SEMA4F: variants seen among roughly 807,000 people sequenced by gnomAD.
SEMA4F encodes the protein ssemaphorin 4F.
A neutral mutation model predicts 78.4 loss-of-function variants in SEMA4F; 51 were observed. That is an observed-to-expected ratio of 0.65 (90% CI 0.52 to 0.82). SEMA4F has a LOEUF of 0.82. SEMA4F is among the 40% of genes least tolerant of loss of function. The probability of loss-of-function intolerance (pLI) is 0.00; values close to 1 mark genes in which losing one functional copy is unlikely to be tolerated. For synonymous variants in SEMA4F, 418 were observed against 408.7 expected (o/e 1.02, Z -0.27); for missense variants, 938 against 1,014.4 (o/e 0.92, Z 1.02).
rs1452206354 is a variant in SEMA4F, at chr2:74,659,808, T to C, written c.456+1857T>C. 2.0e-5 allele frequency among the ~76,000 whole-genome samples: 3 copies of C among 152,334 alleles called. No homozygotes were observed. In the East Asian group the frequency reaches 5.8e-4, roughly 29 times the overall value. Reference sequence around the variant, plus strand: ...TGTCCTAGACTGATGACTTTGAGACTGTATATAAACAATTATCTGAGAGCT... The same window carrying C: ...TGTCCTAGACTGATGACTTTGAGACCGTATATAAACAATTATCTGAGAGCT... On this transcript the variant is annotated intron_variant, in intron 4 of 13. Coordinates refer to ENST00000357877, the MANE Select transcript of SEMA4F (RefSeq NM_004263.5).
the SEMA4F span, among the ~76,000 whole-genome samples, chr2:74,690,331 C>T: frequency 6.6e-6 from 1 of 152,144 alleles, no homozygotes; most frequent in Non-Finnish European, 1.5e-5. Flanking sequence ...ATGGTCACCC[C>T]TGATGAGGGG....
At chr2:74,699,264 T>A in the SEMA4F span, among the ~76,000 whole-genome samples, 24 of 152,224 alleles carry the variant, frequency 1.6e-4, no homozygotes, top group South Asian at 6.2e-4. Flanking sequence ...TTTCCAATCA[T>A]TAGTCCTCAT....
At position 74,675,252 on chromosome 2, in the gene SEMA4F, A is replaced by G. The variant is rs745506934; in HGVS notation, c.1240A>G (p.Met414Val). 14 of 1,614,094 alleles carry G rather than the reference A, an allele frequency of 8.7e-6. No individual in the cohort carries two copies. Among genetic ancestry groups the G allele is most frequent in the South Asian group, 5.5e-5 (5 of 91,072 alleles). The change falls in exon 10 of 14, where the codon ATG (methionine) becomes GTG (valine). Residue 414 changes from methionine to valine, a missense_variant. Transcript: ENST00000357877. ...CACCTTCATCCGGGACCACCCACTCATGGACAGGCCAGTGTTTCCAGCTGA... is the reference window on the plus strand; with the variant it reads ...CACCTTCATCCGGGACCACCCACTCGTGGACAGGCCAGTGTTTCCAGCTGA... Reference protein sequence around the residue: ...VLTFIRDHPLMDRPVFPADGH... With the variant: ...VLTFIRDHPLVDRPVFPADGH...
chr2:74,676,056 T>C lies in SEMA4F; in HGVS notation c.1643+147T>C, dbSNP rs562651261. On this transcript the variant is annotated intron_variant, in intron 12 of 13. Coordinates refer to ENST00000357877, the MANE Select transcript of SEMA4F (RefSeq NM_004263.5). ...TGTCTACATCACTCGTGTGTCCTTC[T>C]GTCAGTCCATACTAGCTCATCTGTT... The C allele has an allele frequency of 7.9e-5, 65 of 824,590 alleles. No homozygotes were observed. In the African/African-American group the frequency reaches 1.1e-3, roughly 14 times the overall value. The allele number at this position is 824,590 out of a possible 1,614,324, so 51.1% of individuals were successfully genotyped here.
At chr2:74,659,877 A>G (rs1684341743) in intron 4 of SEMA4F, among the ~76,000 whole-genome samples, 2 of 152,214 alleles carry the variant, frequency 1.3e-5, no homozygotes, top group African/African-American at 4.8e-5. Flanking sequence ...TTGTGGAGAA[A>G]TGAAGGTTCT....
intron 2 of SEMA4F, 29 bp from the exon 3 acceptor site, chr2:74,657,535 TG>T (rs761704307): frequency 1.9e-6 from 3 of 1,608,716 alleles, no homozygotes; most frequent in African/African-American, 1.3e-5. Context: ...TAGGGGAATC[TG>T]GGTGAAATGA....
rs1380123773 is a variant in SEMA4F at position 74,673,460 on chromosome 2, G to A, written c.554G>A (p.Gly185Glu). The A allele has an allele frequency of 1.9e-6, 3 of 1,614,094 alleles. No homozygotes were observed. The highest frequency in any genetic ancestry group is 1.7e-5 in the Admixed American group (1 of 60,022). ...AQRSAAVMAG[G>E]VLYAATVKNY... ...TCTCCTCCCTGTCGCCCTGCAGGGG[G>A]GGTCCTCTATGCTGCCACTGTGAAA... Residue 185 changes from glycine (G) to glutamate (E), a missense_variant, in exon 6 of 14, where the codon GGG (glycine) becomes GAG (glutamate). By Grantham distance (98) the Gly-to-Glu change is moderately conservative (BLOSUM62 -2). Transcript: ENST00000357877.
rs567119206 is a variant in SEMA4F at position 74,683,692 on chromosome 2, C to T, written c.*3483C>T. The T allele has an allele frequency of 2.0e-5, 3 of 152,156 alleles. No individual in the cohort carries two copies. Among genetic ancestry groups the T allele is most frequent in the African/African-American group, 7.2e-5 (3 of 41,486 alleles). The allele number at this position is 152,156 out of a possible 1,614,324, so 9.4% of individuals were successfully genotyped here. On this transcript the variant is annotated 3_prime_UTR_variant, in exon 14 of 14. Transcript: ENST00000357877. ...TCATAAGAACCAGAGGATTTTCTGC[C>T]CTTTGCTGGGAGCCACATGAGCCCC...
intron 5 of SEMA4F, among the ~76,000 whole-genome samples, chr2:74,670,272 C>G (rs775336624): frequency 2.0e-5 from 3 of 152,150 alleles, no homozygotes; most frequent in Non-Finnish European, 2.9e-5. Flanking sequence ...GGTTGCTATT[C>G]CTTCTGCTGT....
At chr2:74,671,168 C>T (rs1684964109) in intron 5 of SEMA4F, among the ~76,000 whole-genome samples, 1 of 152,188 alleles carries the variant, frequency 6.6e-6, no homozygotes, top group African/African-American at 2.4e-5. Context: ...CCAAGTCTTC[C>T]TGGCTCCCAA....
the SEMA4F span, among the ~76,000 whole-genome samples, chr2:74,692,563 C>T: frequency 6.6e-6 from 1 of 152,164 alleles, no homozygotes. Flanking sequence ...GGATGTGTGG[C>T]AAGGAGGAGC....
intron 12 of SEMA4F, among the ~76,000 whole-genome samples, chr2:74,679,040 G>T (rs1685434813): frequency 6.6e-6 from 1 of 152,134 alleles, no homozygotes; most frequent in Non-Finnish European, 1.5e-5. Flanking sequence ...TGCAAATTTA[G>T]CTATCACTGG....
chr2:74,688,415 A>G (rs1258081064), downstream of SEMA4F, among the ~76,000 whole-genome samples: 2 of 152,258 alleles, frequency 1.3e-5, no homozygotes, highest in African/African-American at 4.8e-5. Flanking sequence ...ATGGTATTTC[A>G]TTTGCAATAC....
intron 4 of SEMA4F, among the ~76,000 whole-genome samples, chr2:74,660,628 G>T (rs1288927179): frequency 6.6e-6 from 1 of 152,234 alleles, no homozygotes; most frequent in East Asian, 1.9e-4. Context: ...AGATAATATA[G>T]TGGAGTGGTC....
In SEMA4F at chr2:74,680,123, C is replaced by T. The variant is rs374314667; in HGVS notation, c.2227C>T (p.Pro743Ser). Reference protein sequence around the residue: ...RGSGFGGFSPPFLLDPCPSPA... With the variant: ...RGSGFGGFSPSFLLDPCPSPA... ...CAGTGGCTTTGGTGGATTCTCACCA[C>T]CCTTCCTGCTTGATCCTTGCCCAAG... The change falls in exon 14 of 14, where the codon CCC (proline) becomes TCC (serine). Residue 743 changes from proline (P) to serine (S), a missense_variant. Transcript: ENST00000357877. The T allele has an allele frequency of 6.2e-7, 1 of 1,613,000 alleles. No individual in the cohort carries two copies. The highest frequency in any genetic ancestry group is 8.5e-7 in the Non-Finnish European group (1 of 1,179,070).
At chr2:74,675,480 C>A in intron 10 of SEMA4F, 45 bp from the exon 11 acceptor site, 1 of 1,598,766 alleles carries the variant, frequency 6.3e-7, no homozygotes, top group Non-Finnish European at 8.6e-7. Context: ...GTCCCAGGCA[C>A]AGGGGCAATT....
At position 74,679,649 on chromosome 2, in the gene SEMA4F, T is replaced by TTGC. The variant is rs1237529695; in HGVS notation, c.1754_1756dup (p.Leu585dup). 6.2e-7 allele frequency: 1 copy of TTGC among 1,612,626 alleles called. No individual in the cohort carries two copies. Among genetic ancestry groups the TTGC allele is most frequent in the South Asian group, 1.1e-5 (1 of 91,062 alleles). ...CGTGGCTACAGCTGCGCATGTGGTC[T>TTGC]TGCCATGTTCTCCAAGCTCAGCATG... On this transcript the variant is annotated inframe_insertion, in exon 14 of 14. Transcript: ENST00000357877.
chr2:74,706,898 A>C, the SEMA4F span, among the ~76,000 whole-genome samples: 1 of 152,000 alleles, frequency 6.6e-6, no homozygotes, highest in Non-Finnish European at 1.5e-5. Context: ...AGACACCCTA[A>C]CTGCAGGGAT....
chr2:74,686,772 C>T (rs1411687319), downstream of SEMA4F, among the ~76,000 whole-genome samples: 1 of 150,736 alleles, frequency 6.6e-6, no homozygotes, highest in Non-Finnish European at 1.5e-5. Flanking sequence ...CAAACTATCA[C>T]AAGGACAGAA....
Sources: allele counts gnomAD v4.1 joint callset (sites outside exome capture counted in the v4.1 genomes callset), GRCh38; gene constraint gnomAD v4.1.1; transcripts MANE v1.5; gene names NCBI Gene and HGNC (gene_info 2026-07-23, HGNC 2026-07-21).